Variants in AGBL4 observed in about 807,000 individuals in gnomAD.
AGBL4 encodes the protein cytosolic carboxypeptidase 6.
Under a neutral mutation model 66.4 loss-of-function variants are expected in AGBL4, and 58 were observed. The observed-to-expected ratio is 0.87, with a 90% CI of 0.71 to 1.09. The LOEUF is 1.09. Ranked by LOEUF, AGBL4 falls within the 50% of genes least tolerant of loss-of-function variation. The pLI is 0.00. For missense variants in AGBL4, 579 were observed against 631.0 expected (o/e 0.92, Z 0.88); for synonymous variants, 234 against 222.9 (o/e 1.05, Z -0.44).
intron 7 of AGBL4, 139 bp downstream of exon 7, chr1:48,663,013 C>G: frequency 1.4e-6 from 1 of 706,372 alleles, no homozygotes; most frequent in Non-Finnish European, 2.4e-6. Context: ...TAATGGAGAT[C>G]AGGTAAAATC....
intron 1 of AGBL4, among the ~76,000 whole-genome samples, chr1:49,993,966 A>G (rs1279400709): frequency 6.6e-6 from 1 of 152,204 alleles, no homozygotes; most frequent in African/African-American, 2.4e-5. Context: ...AAGCTCCACT[A>G]TCACCATAAA....
intron 3 of AGBL4, among the ~76,000 whole-genome samples, chr1:49,346,373 AT>A (rs1447250716): frequency 2.6e-5 from 4 of 152,300 alleles, no homozygotes; most frequent in African/African-American, 9.6e-5. Flanking sequence ...TTAGATCAGT[AT>A]TGTAATTCTG....
intron 4 of AGBL4, among the ~76,000 whole-genome samples, chr1:49,206,799 T>C (rs1648169669): frequency 6.8e-6 from 1 of 147,866 alleles, no homozygotes; most frequent in African/African-American, 2.5e-5. Flanking sequence ...GTATCCCAAA[T>C]AGGACTAGGA....
chr1:49,455,233 G>T (rs1646363600), intron 3 of AGBL4, among the ~76,000 whole-genome samples: 1 of 151,614 alleles, frequency 6.6e-6, no homozygotes, highest in South Asian at 2.1e-4. Context: ...ACAGAATTCA[G>T]ACATAGGCAA....
At chr1:48,999,605 A>G (rs1661253151) in intron 5 of AGBL4, among the ~76,000 whole-genome samples, 2 of 152,184 alleles carry the variant, frequency 1.3e-5, no homozygotes, top group Admixed American at 6.5e-5. Flanking sequence ...CGAGAAAAGT[A>G]TCAGATTGGA....
At chr1:48,722,053 G>A (rs964036977) in intron 6 of AGBL4, among the ~76,000 whole-genome samples, 1 of 141,044 alleles carries the variant, frequency 7.1e-6, no homozygotes, top group African/African-American at 2.7e-5. Context: ...TCAGATAAGA[G>A]GAACAGAGAG....
At chr1:49,953,972 C>A (rs1656376507) in intron 1 of AGBL4, among the ~76,000 whole-genome samples, 1 of 151,928 alleles carries the variant, frequency 6.6e-6, no homozygotes, top group Non-Finnish European at 1.5e-5. Context: ...TAGCTCACTG[C>A]AGCCTCAAAG....
At chr1:49,036,028 G>A (rs917417420) in intron 5 of AGBL4, among the ~76,000 whole-genome samples, 1 of 151,636 alleles carries the variant, frequency 6.6e-6, no homozygotes, top group African/African-American at 2.4e-5. Flanking sequence ...CTCAGTACCT[G>A]GATGATGCCA....
chr1:49,700,304 TA>T (rs1647064716), intron 2 of AGBL4, among the ~76,000 whole-genome samples: 2 of 93,722 alleles, frequency 2.1e-5, no homozygotes, highest in Admixed American at 2.1e-4. Flanking sequence ...ATTAAATAGA[TA>T]GATAGATAGA....
intron 5 of AGBL4, among the ~76,000 whole-genome samples, chr1:49,031,318 GTAGAT>G (rs1664210949): frequency 6.6e-6 from 1 of 151,824 alleles, no homozygotes; most frequent in South Asian, 2.1e-4. Context: ...ACCAAGAAGG[GTAGAT>G]TTTAAATGTT....
At chr1:49,656,181 C>T (rs1646127741) in intron 3 of AGBL4, among the ~76,000 whole-genome samples, 1 of 151,892 alleles carries the variant, frequency 6.6e-6, no homozygotes, top group Admixed American at 6.6e-5. Flanking sequence ...GATCCCACCA[C>T]CAATCCCACA....
At chr1:49,996,216 A>C (rs1046451491) in intron 1 of AGBL4, 4 of 152,214 alleles carry the variant, frequency 2.6e-5, no homozygotes, top group African/African-American at 7.2e-5. Context: ...ACCAAGAAAA[A>C]AAATCTCTGA....
At chr1:49,004,221 C>A (rs1180746689) in intron 5 of AGBL4, among the ~76,000 whole-genome samples, 1 of 152,198 alleles carries the variant, frequency 6.6e-6, no homozygotes, top group Non-Finnish European at 1.5e-5. Context: ...GATTTTTTCA[C>A]TCTCAATATG....
chr1:48,746,996 A>C (rs1246556351), intron 6 of AGBL4, among the ~76,000 whole-genome samples: 1 of 152,218 alleles, frequency 6.6e-6, no homozygotes, highest in African/African-American at 2.4e-5. Flanking sequence ...AGAGGGGAGA[A>C]AATCACTTCA....
At chr1:49,498,346 G>A (rs534265463) in intron 3 of AGBL4, among the ~76,000 whole-genome samples, 1 of 151,842 alleles carries the variant, frequency 6.6e-6, no homozygotes, top group Non-Finnish European at 1.5e-5. Flanking sequence ...CTATATGAAT[G>A]TCCTTTATTT....
intron 2 of AGBL4, among the ~76,000 whole-genome samples, chr1:49,793,442 GAGT>G (rs912451387): frequency 6.6e-6 from 1 of 151,914 alleles, no homozygotes; most frequent in African/African-American, 2.4e-5. Flanking sequence ...TAATCTGTTG[GAGT>G]AGAATAATAA....
chr1:49,651,829 G>T (rs184185953), intron 3 of AGBL4, among the ~76,000 whole-genome samples: 27 of 152,194 alleles, frequency 1.8e-4, no homozygotes, highest in African/African-American at 5.5e-4. Context: ...ACCACCAAAG[G>T]ATTGCACTAG....
At chr1:49,364,872 G>A (rs1644212973) in intron 3 of AGBL4, among the ~76,000 whole-genome samples, 1 of 152,196 alleles carries the variant, frequency 6.6e-6, no homozygotes, top group Admixed American at 6.5e-5. Flanking sequence ...GAGTAATGAA[G>A]GAGGAATCCA....
At chr1:49,564,615 T>C (rs548789208) in intron 3 of AGBL4, among the ~76,000 whole-genome samples, 12,262 of 152,192 alleles carry the variant, frequency 0.081, 681 homozygotes, top group African/African-American at 0.17. Flanking sequence ...AGTTGAGTGG[T>C]TTTGAGTGAG....
Sources: gnomAD v4.1 joint callset for allele counts (sites outside exome capture counted in the v4.1 genomes callset) on GRCh38, gnomAD v4.1.1 for gene constraint, MANE v1.5 for transcripts, NCBI Gene and HGNC (gene_info 2026-07-23, HGNC 2026-07-21) for gene names.